FIGNL2: variants seen among roughly 807,000 people sequenced by gnomAD.
FIGNL2 encodes the protein fidgetin like 2, also known as fidgetin-like protein 2.
For missense variants in FIGNL2, 1,060 were observed against 950.2 expected (o/e 1.12, Z -1.52); for synonymous variants, 565 against 484.0 (o/e 1.17, Z -2.20).
rs1265513625 is a variant in FIGNL2, at chr12:51,821,565, G to A, written c.849C>T (p.Tyr283=). The A allele has an allele frequency of 2.6e-6, 4 of 1,541,400 alleles. No individual in the cohort carries two copies. Among genetic ancestry groups the A allele is most frequent in the South Asian group, 2.4e-5 (2 of 83,932 alleles). ...GPEGRYRKYA[Y]EPAKAPVADG... ...CAGCCACGGGGGCCTTGGCGGGCTC[G>A]TACGCGTACTTGCGGTAGCGGCCCT... The change falls in exon 2 of 2, where the codon TAC becomes TAT. Residue 283 remains tyrosine, a synonymous_variant. Coordinates refer to ENST00000618634, the MANE Select transcript of FIGNL2 (RefSeq NM_001384995.1).
rs760351854 is a variant in FIGNL2, at chr12:51,821,277, C to G, written c.1137G>C (p.Thr379=). The stretch of plus-strand genomic sequence containing the variant: ...GGGGCCCGCAGTCCACCATCTTGCT[C>G]GTCACCAGCTCCAGGGCCCCAGGGT... ...GVDPGALELV[T]SKMVDCGPPV... The change falls in exon 2 of 2, where the codon ACG becomes ACC. Residue 379 remains threonine (T), a synonymous_variant. Transcript: ENST00000618634. 2.2e-5 allele frequency: 33 copies of G among 1,524,610 alleles called. No homozygotes were observed. The highest frequency in any genetic ancestry group is 2.7e-5 in the Non-Finnish European group (31 of 1,141,824). The allele number at this position is 1,524,610 out of a possible 1,614,324, so 94.4% of individuals were successfully genotyped here.
chr12:51,836,858 C>T (rs1939585928), intron 1 of FIGNL2, among the ~76,000 whole-genome samples: 3 of 152,038 alleles, frequency 2.0e-5, no homozygotes, highest in Non-Finnish European at 4.4e-5. Context: ...AGGGTGGACA[C>T]CCCCAGCCCC....
At chr12:51,837,740 G>C (rs902603519) in intron 1 of FIGNL2, 1 of 152,324 alleles carries the variant, frequency 6.6e-6, no homozygotes, top group African/African-American at 2.4e-5. Context: ...AGGAACACAA[G>C]GGGCTCCAGG....
At chr12:51,834,141 A>ATGGG (rs1231510972) in intron 1 of FIGNL2, among the ~76,000 whole-genome samples, 30 of 151,924 alleles carry the variant, frequency 2.0e-4, no homozygotes, top group African/African-American at 7.0e-4. Context: ...GGATGGATGG[A>ATGGG]TGATCCTAGA....
chr12:51,822,717 C>A (rs577136168), intron 1 of FIGNL2, among the ~76,000 whole-genome samples: 3 of 152,360 alleles, frequency 2.0e-5, no homozygotes, highest in African/African-American at 7.2e-5. Flanking sequence ...TTTGTCCTGG[C>A]CACTCCAGCC....
Position 51,817,946 on chromosome 12 carries a change from G to C in FIGNL2, c.*2506C>G, listed in dbSNP as rs1156574699. 1 of 152,388 alleles carries C rather than the reference G, an allele frequency of 6.6e-6. No homozygotes were observed. Among genetic ancestry groups the C allele is most frequent in the African/African-American group, 2.4e-5 (1 of 41,372 alleles). The allele number at this position is 152,388 out of a possible 1,614,324, so 9.4% of individuals were successfully genotyped here. A position where few individuals can be genotyped will look rare whatever the true frequency, so the allele number is the denominator to read the frequency against. On this transcript the variant is annotated 3_prime_UTR_variant, in exon 2 of 2. Coordinates refer to ENST00000618634, the MANE Select transcript of FIGNL2 (RefSeq NM_001384995.1). ...GTGTAATACTTTCTTTTAAAATACA[G>C]TCTCTTCTGAGGTAGACAGACCACA...
At chr12:51,829,010 G>T (rs931955677) in intron 1 of FIGNL2, among the ~76,000 whole-genome samples, 1 of 152,194 alleles carries the variant, frequency 6.6e-6, no homozygotes, top group African/African-American at 2.4e-5. Context: ...TCTGATTCTG[G>T]ATTCCGTCAC....
intron 1 of FIGNL2, among the ~76,000 whole-genome samples, chr12:51,833,982 T>C (rs1939522670): frequency 8.0e-6 from 1 of 125,090 alleles, no homozygotes; most frequent in Non-Finnish European, 1.7e-5. Context: ...GACAGACAAA[T>C]GGACGGATGG....
At chr12:51,841,643 C>T (rs1002399029) in intron 1 of FIGNL2, 4 of 152,082 alleles carry the variant, frequency 2.6e-5, no homozygotes, top group African/African-American at 9.7e-5. Context: ...ATATCTCAAA[C>T]TTGTTCTCAT....
chr12:51,831,746 C>T (rs1261762310), intron 1 of FIGNL2: 1 of 154,402 alleles, frequency 6.5e-6, no homozygotes, highest in East Asian at 1.9e-4. Flanking sequence ...CTCGGTTCCC[C>T]CTTCTCCTAC....
At chr12:51,838,484 G>T (rs1303722354) in intron 1 of FIGNL2, among the ~76,000 whole-genome samples, 2 of 152,170 alleles carry the variant, frequency 1.3e-5, no homozygotes, top group Non-Finnish European at 2.9e-5. Flanking sequence ...GCTTGCAGGG[G>T]TCTCTGAGCC....
At position 51,820,398 on chromosome 12, in the gene FIGNL2, C is replaced by A. The variant is rs1042696119; in HGVS notation, c.*54G>T. 3 of 1,542,408 alleles carry A rather than the reference C, an allele frequency of 1.9e-6. No individual in the cohort carries two copies. The highest frequency in any genetic ancestry group is 2.7e-5 in the African/African-American group (2 of 73,186). The stretch of plus-strand genomic sequence containing the variant: ...TTTAGTCAGTGACATCCCTCCCACG[C>A]GGAGGCGGCGGGGACGGAGGGACTG... On this transcript the variant is annotated 3_prime_UTR_variant, in exon 2 of 2. Coordinates refer to ENST00000618634, the MANE Select transcript of FIGNL2 (RefSeq NM_001384995.1).
At chr12:51,841,754 C>G (rs986621128) in intron 1 of FIGNL2, 5 of 152,252 alleles carry the variant, frequency 3.3e-5, no homozygotes, top group Non-Finnish European at 2.9e-5. Flanking sequence ...AGAGAGTGAT[C>G]AGAAAGGACT....
In FIGNL2 at chr12:51,822,188, C is replaced by A; in HGVS notation, c.226G>T (p.Glu76Ter). 1 of 1,611,552 alleles carries A rather than the reference C, an allele frequency of 6.2e-7. No individual in the cohort carries two copies. The highest frequency in any genetic ancestry group is 8.5e-7 in the Non-Finnish European group (1 of 1,178,972). ...KYSGVLDSPY[E>*]RPALGGYSDA... Reference sequence around the variant, plus strand: ...CTGTACCCGCCCAGGGCCGGACGCTCGTAGGGAGAATCCAAGACCCCAGAG... The same window carrying A: ...CTGTACCCGCCCAGGGCCGGACGCTAGTAGGGAGAATCCAAGACCCCAGAG... The change falls in exon 2 of 2, where the codon GAG becomes TAG. Residue 76 changes from glutamate to a stop codon, truncating the protein, a stop_gained. Transcript: ENST00000618634. LOFTEE classifies it low-confidence loss of function (END_TRUNC).
At chr12:51,844,613 C>A in intron 1 of FIGNL2, 1 of 809,498 alleles carries the variant, frequency 1.2e-6, no homozygotes, top group Non-Finnish European at 1.5e-6. Flanking sequence ...TTTCTCACCT[C>A]ACAGATGAGA....
chr12:51,821,621 G>A lies in FIGNL2; in HGVS notation c.793C>T (p.Leu265=), dbSNP rs1224505943. 17 of 1,494,798 alleles carry A rather than the reference G, an allele frequency of 1.1e-5. No homozygotes were observed. In the Admixed American group the frequency reaches 1.7e-4, roughly 15 times the overall value. 92.6% of individuals were successfully genotyped at this position (1,494,798 alleles called of 1,614,324 possible). A position where few individuals can be genotyped will look rare whatever the true frequency, so the allele number is the denominator to read the frequency against. The part of the protein sequence containing the change: ...AAPGAESGLS[L]KRKAADEGPE... ...CCCTCGTCGGCGGCCTTGCGCTTCAGCGACAGCCCGGATTCGGCACCCGGC... is the reference window on the plus strand; with the variant it reads ...CCCTCGTCGGCGGCCTTGCGCTTCAACGACAGCCCGGATTCGGCACCCGGC... Residue 265 remains leucine (L), a synonymous_variant, in exon 2 of 2, where the codon CTG becomes TTG. Transcript: ENST00000618634.
intron 1 of FIGNL2, among the ~76,000 whole-genome samples, chr12:51,843,412 G>C (rs1179039145): frequency 6.6e-6 from 1 of 152,018 alleles, no homozygotes; most frequent in Non-Finnish European, 1.5e-5. Context: ...GCTGGGCGTG[G>C]TGGCATGCAC....
intron 1 of FIGNL2, among the ~76,000 whole-genome samples, chr12:51,842,257 T>C (rs1286888051): frequency 6.6e-6 from 1 of 152,208 alleles, no homozygotes; most frequent in Non-Finnish European, 1.5e-5. Flanking sequence ...GGTAAAAGAA[T>C]GGCCAGCCCA....
Position 51,830,560 on chromosome 12 carries a change from C to T in FIGNL2, c.-11-8136G>A, listed in dbSNP as rs567444352. Among the ~76,000 whole-genome samples the T allele has an allele frequency of 4.9e-5, 7 of 143,330 alleles. No individual in the cohort carries two copies. In the East Asian group the frequency reaches 7.0e-4, roughly 14 times the overall value. 94.0% of individuals were successfully genotyped at this position (143,330 alleles called of 152,430 possible). ...GGGCTGGAGTGCAGTGGTGCGATCT[C>T]GGCTCACTGCAACCTCCCCCTCCTG... On this transcript the variant is annotated intron_variant, in intron 1 of 1. Coordinates refer to ENST00000618634, the MANE Select transcript of FIGNL2 (RefSeq NM_001384995.1).
Sources: allele counts gnomAD v4.1 joint callset (sites outside exome capture counted in the v4.1 genomes callset), GRCh38; gene constraint gnomAD v4.1.1; transcripts MANE v1.5; gene names NCBI Gene and HGNC (gene_info 2026-07-23, HGNC 2026-07-21).